Variants in FANCL observed in about 807,000 individuals in gnomAD.
FANCL encodes the protein E3 ubiquitin-protein ligase FANCL.
In FANCL, 69 loss-of-function variants were observed where a neutral mutation model predicts 59.4. The observed-to-expected ratio is 1.16, with a 90% CI of 0.96 to 1.42. FANCL has a LOEUF of 1.42. FANCL is among the 40% of genes most tolerant of loss of function. The pLI, the probability that FANCL is intolerant of heterozygous loss-of-function variation, is 0.00. For synonymous variants in FANCL, 180 were observed against 147.1 expected (o/e 1.22, Z -1.62); for missense variants, 519 against 447.2 (o/e 1.16, Z -1.45).
At chr2:58,195,316 T>C (rs1032698568) in intron 7 of FANCL, among the ~76,000 whole-genome samples, 2 of 152,152 alleles carry the variant, frequency 1.3e-5, no homozygotes, top group African/African-American at 4.8e-5. Flanking sequence ...CAGAATCTTA[T>C]AGGTAAATGA....
chr2:58,195,038 T>C (rs958334259), intron 7 of FANCL, among the ~76,000 whole-genome samples: 2 of 151,936 alleles, frequency 1.3e-5, no homozygotes, highest in African/African-American at 2.4e-5. Flanking sequence ...TTATCTGAAA[T>C]CTATTTACCA....
In FANCL at chr2:58,163,483, G is replaced by T. The variant is rs191925781; in HGVS notation, c.726C>A (p.Pro242=). 3.1e-6 allele frequency: 5 copies of T among 1,609,318 alleles called. No homozygotes were observed. In the African/African-American group the frequency reaches 5.4e-5, roughly 17 times the overall value. The change falls in exon 9 of 14, where the codon CCC becomes CCA. Residue 242 remains proline, a synonymous_variant. Transcript: ENST00000233741. ...ACTCAGGAAGCATAGTAGGATGCCT[G>T]GGGTCTACCTCTATATTTATGGAAA... ...NNVSINIEVD[P]RHPTMLPECF... is the part of the protein sequence containing the mutation.
intron 7 of FANCL, among the ~76,000 whole-genome samples, chr2:58,198,152 A>G (rs1689625489): frequency 6.6e-6 from 1 of 151,964 alleles, no homozygotes; most frequent in Admixed American, 6.6e-5. Flanking sequence ...AGGAAATATA[A>G]AAGAAGCATT....
chr2:58,232,481 T>A lies in FANCL; in HGVS notation c.97-369A>T, dbSNP rs372911833. On this transcript the variant is annotated intron_variant, in intron 1 of 13. Transcript: ENST00000233741. ...TTATGAAAAAAGAAATTCCTTCAAA[T>A]TGCTTTAATGGAAGAAAAACATCAC... Among the ~76,000 whole-genome samples, 37 of 152,178 alleles carry A rather than the reference T, an allele frequency of 2.4e-4. 1 individual carries two copies. The highest frequency in any genetic ancestry group is 8.4e-4 in the African/African-American group (35 of 41,562).
At chr2:58,217,177 T>TAC (rs1691850131) in intron 5 of FANCL, among the ~76,000 whole-genome samples, 1 of 9,206 alleles carries the variant, frequency 1.1e-4, no homozygotes, top group African/African-American at 5.4e-4. Context: ...TATATATATA[T>TAC]ATATATATAT....
chr2:58,159,395 T>C lies in FANCL; in HGVS notation c.*370A>G. 6.2e-7 allele frequency: 1 copy of C among 1,613,158 alleles called. No homozygotes were observed. Among genetic ancestry groups the C allele is most frequent in the Non-Finnish European group, 8.5e-7 (1 of 1,179,624 alleles). On this transcript the variant is annotated 3_prime_UTR_variant, in exon 14 of 14. Transcript: ENST00000233741. Reference sequence around the variant, plus strand: ...AAATATCAAGAGTCTCAAGAACCTTTGAATGAAGTAAACAGTTTCCCACAA... The same window carrying C: ...AAATATCAAGAGTCTCAAGAACCTTCGAATGAAGTAAACAGTTTCCCACAA...
chr2:58,165,253 C>A (rs1450572669), intron 8 of FANCL, among the ~76,000 whole-genome samples: 4 of 152,008 alleles, frequency 2.6e-5, no homozygotes, highest in Non-Finnish European at 4.4e-5. Flanking sequence ...ACTATAAATT[C>A]TTTCTCTGTG....
chr2:58,175,889 G>A (rs1267952382), intron 7 of FANCL, among the ~76,000 whole-genome samples: 2 of 152,042 alleles, frequency 1.3e-5, no homozygotes, highest in South Asian at 2.1e-4. Flanking sequence ...AAACCCCATT[G>A]TCTCAGCCCA....
intron 6 of FANCL, among the ~76,000 whole-genome samples, chr2:58,203,371 T>G (rs530133754): frequency 6.6e-6 from 1 of 151,870 alleles, no homozygotes; most frequent in East Asian, 1.9e-4. Flanking sequence ...ACTACAATCT[T>G]CTGAAAAAGA....
intron 7 of FANCL, among the ~76,000 whole-genome samples, chr2:58,172,300 A>C (rs1686728006): frequency 6.6e-6 from 1 of 152,228 alleles, no homozygotes; most frequent in Non-Finnish European, 1.5e-5. Flanking sequence ...CTGCCTCCTT[A>C]AGTGGGTTCT....
chr2:58,178,052 T>C (rs1231608216), intron 7 of FANCL, among the ~76,000 whole-genome samples: 1 of 151,980 alleles, frequency 6.6e-6, no homozygotes, highest in Non-Finnish European at 1.5e-5. Context: ...AGAAGTCAAA[T>C]CCCGAAATAG....
At chr2:58,224,663 T>A (rs573214063) in intron 4 of FANCL, among the ~76,000 whole-genome samples, 1 of 151,870 alleles carries the variant, frequency 6.6e-6, no homozygotes, top group Non-Finnish European at 1.5e-5. Flanking sequence ...TTTCCATTGT[T>A]AGCAATATTA....
chr2:58,181,348 A>T (rs922699936), intron 7 of FANCL, among the ~76,000 whole-genome samples: 1 of 152,024 alleles, frequency 6.6e-6, no homozygotes, highest in Non-Finnish European at 1.5e-5. Flanking sequence ...AATAGACATA[A>T]CTAAGCTTTG....
At chr2:58,190,728 C>A (rs958431379) in intron 7 of FANCL, among the ~76,000 whole-genome samples, 4 of 151,932 alleles carry the variant, frequency 2.6e-5, no homozygotes, top group African/African-American at 9.7e-5. Context: ...GTTATTCTCA[C>A]AGCCAGAGCC....
chr2:58,160,287 G>A (rs1684934157), intron 12 of FANCL, 108 bp from the exon 13 acceptor site: 4 of 1,161,616 alleles, frequency 3.4e-6, no homozygotes, highest in African/African-American at 3.0e-5. Context: ...TATTCCAGAA[G>A]ACTTAGCTTA....
At chr2:58,239,904 A>AAAATATTACGTGTTT (rs1380765951) in intron 1 of FANCL, among the ~76,000 whole-genome samples, 4 of 152,212 alleles carry the variant, frequency 2.6e-5, no homozygotes, top group African/African-American at 9.6e-5. Flanking sequence ...AATATATACA[A>AAAATATTACGTGTTT]AATATTTTTA....
intron 7 of FANCL, among the ~76,000 whole-genome samples, chr2:58,193,228 A>G (rs1338032162): frequency 6.6e-6 from 1 of 152,038 alleles, no homozygotes; most frequent in African/African-American, 2.4e-5. Flanking sequence ...ACAAATGCAC[A>G]GTATTATCAA....
At chr2:58,237,676 G>GA (rs1171644376) in intron 1 of FANCL, among the ~76,000 whole-genome samples, 1 of 151,950 alleles carries the variant, frequency 6.6e-6, no homozygotes, top group East Asian at 1.9e-4. Flanking sequence ...TGTATCGGGG[G>GA]AAAAAATGAG....
chr2:58,240,603 T>A (rs1694434523), intron 1 of FANCL, among the ~76,000 whole-genome samples: 1 of 152,224 alleles, frequency 6.6e-6, no homozygotes, highest in Admixed American at 6.5e-5. Context: ...TGGAAAGCGC[T>A]TTGTAAACTT....
Sources: gnomAD v4.1 joint callset for allele counts (sites outside exome capture counted in the v4.1 genomes callset) on GRCh38, gnomAD v4.1.1 for gene constraint, MANE v1.5 for transcripts, NCBI Gene and HGNC (gene_info 2026-07-23, HGNC 2026-07-21) for gene names.